SIX3: variants seen among roughly 807,000 people sequenced by gnomAD.
The protein encoded by SIX3 is SIX homeobox 3, also known as homeobox protein SIX3.
A neutral mutation model predicts 21.7 loss-of-function variants in SIX3; 2 were observed. The observed-to-expected ratio is 0.09, with a 90% CI of 0.04 to 0.29. The LOEUF (loss-of-function observed/expected upper bound fraction) is 0.29. Among genes scored for constraint, SIX3 ranks in the 10% least tolerant of loss-of-function variants. The pLI, the probability that SIX3 is intolerant of heterozygous loss-of-function variation, is 1.00. For synonymous variants in SIX3, 243 were observed against 220.6 expected, an observed-to-expected ratio of 1.10 and a Z score of -0.90; for missense variants, 347 against 480.7, an observed-to-expected ratio of 0.72 and a Z score of 2.60.
Position 44,942,670 on chromosome 2 carries a change from A to G in SIX3, c.566A>G (p.Asp189Gly), listed in dbSNP as rs1221436387. ...KLRGRPLGPV[D>G]KYRVRKKFPL... Reference sequence around the variant, plus strand: ...CGCGGCCGCCCACTCGGCCCGGTGGACAAGTACCGCGTGCGCAAGAAGTTC... The same window carrying G: ...CGCGGCCGCCCACTCGGCCCGGTGGGCAAGTACCGCGTGCGCAAGAAGTTC... The change falls in exon 1 of 2, where the codon GAC (aspartate) becomes GGC (glycine). Residue 189 changes from aspartate to glycine, a missense_variant. By Grantham distance (94) the Asp-to-Gly change is moderately conservative. Transcript: ENST00000260653. The surrounding 1 kb of genome is among the most constrained non-coding windows in gnomAD (Gnocchi z 8.4). The G allele has an allele frequency of 1.2e-6, 2 of 1,600,144 alleles. No homozygotes were observed. The highest frequency in any genetic ancestry group is 1.1e-5 in the South Asian group (1 of 90,902).
chr2:44,944,026 CG>C (rs1159904096), intron 1 of SIX3, among the ~76,000 whole-genome samples: 1 of 152,220 alleles, frequency 6.6e-6, no homozygotes, highest in Middle Eastern at 3.2e-3. Context: ...AGAAGGTTCC[CG>C]GTGGGGGAAA....
chr2:44,943,359 C>T (rs1466605913), intron 1 of SIX3, among the ~76,000 whole-genome samples: 1 of 152,226 alleles, frequency 6.6e-6, no homozygotes, highest in Non-Finnish European at 1.5e-5. Context: ...GGGTCCCTAT[C>T]ACAAGGGGAA....
Position 44,942,891 on chromosome 2 carries a change from G to T in SIX3, c.787G>T (p.Ala263Ser), listed in dbSNP as rs1666608188. ...WFKNRRQRDR[A>S]AAAKNRLQHQ... ...TAAGAACCGGCGGCAGCGCGACCGC[G>T]CCGCGGCGGCCAAGAACAGGTTAGT... The change falls in exon 1 of 2, where the codon GCC (alanine) becomes TCC (serine). Residue 263 changes from alanine (A) to serine (S), a missense_variant. Physicochemically the swap from Ala to Ser is moderately conservative, Grantham distance 99. Around this residue, in one of 4 missense-constraint regions of SIX3, gnomAD observed 15 missense variants for 65.4 expected, o/e 0.23. Transcript: ENST00000260653. The surrounding 1 kb of genome is among the most constrained non-coding windows in gnomAD (Gnocchi z 8.4). 3 of 1,598,294 alleles carry T rather than the reference G, an allele frequency of 1.9e-6. No homozygotes were observed. Among genetic ancestry groups the T allele is most frequent in the African/African-American group, 2.7e-5 (2 of 74,934 alleles).
intron 1 of SIX3, among the ~76,000 whole-genome samples, chr2:44,944,026 C>T (rs1434240069): frequency 3.9e-5 from 6 of 152,220 alleles, no homozygotes; most frequent in African/African-American, 1.4e-4. Flanking sequence ...AGAAGGTTCC[C>T]GGTGGGGGAA....
rs867552132 is a variant in SIX3, at chr2:44,944,726, C to T, written c.965C>T (p.Ser322Leu). ...GCAGACACCGGCACCTCCATCCTCT[C>T]GGTAACCTCCAGCGACTCGGAATGT... The part of the protein sequence containing the change: ...ERADTGTSIL[S>L]VTSSDSECDV Residue 322 changes from serine (S) to leucine (L), a missense_variant, in exon 2 of 2, where the codon TCG (serine) becomes TTG (leucine). Ser to Leu is a moderately radical substitution (Grantham distance 145). Coordinates refer to ENST00000260653, the MANE Select transcript of SIX3 (RefSeq NM_005413.4). 6 of 1,588,688 alleles carry T rather than the reference C, an allele frequency of 3.8e-6. No homozygotes were observed. The South Asian group carries it at 5.6e-5, about 15-fold the overall frequency.
rs749956891 is a variant in SIX3, at chr2:44,942,839, C to T, written c.735C>T (p.Leu245=). ...GCGAACTGGCGCAGGCCACCGGCCT[C>T]ACTCCCACACAAGTAGGCAACTGGT... ...KKRELAQATG[L]TPTQVGNWFK... Residue 245 remains leucine, a synonymous_variant, in exon 1 of 2, where the codon CTC becomes CTT. Coordinates refer to ENST00000260653, the MANE Select transcript of SIX3 (RefSeq NM_005413.4). This position sits in a 1 kb window ranked among gnomAD's most constrained non-coding sequence, Gnocchi z 8.4. The T allele has an allele frequency of 1.9e-6, 3 of 1,599,392 alleles. No individual in the cohort carries two copies. The highest frequency in any genetic ancestry group is 1.3e-5 in the African/African-American group (1 of 75,064).
rs201451750 is a variant in SIX3 at position 44,942,410 on chromosome 2, G to A, written c.306G>A (p.Thr102=). Residue 102 remains threonine, a synonymous_variant, in exon 1 of 2, where the codon ACG becomes ACA. Transcript: ENST00000260653. This position sits in a 1 kb window ranked among gnomAD's most constrained non-coding sequence, Gnocchi z 8.4. The part of the protein sequence containing the change: ...VASVCETLEE[T]GDIERLGRFL... ...GCGTCTGTGAGACGCTGGAGGAGAC[G>A]GGCGACATCGAGCGGCTGGGCCGCT... 4.3e-5 allele frequency: 68 copies of A among 1,597,786 alleles called. No homozygotes were observed. The African/African-American group carries it at 7.5e-4, about 18-fold the overall frequency.
At position 44,944,550 on chromosome 2, in the gene SIX3, G is replaced by A. The variant is rs1666650490; in HGVS notation, c.807-18G>A. On this transcript the variant is annotated intron_variant, in intron 1 of 1. Coordinates refer to ENST00000260653, the MANE Select transcript of SIX3 (RefSeq NM_005413.4). Reference sequence around the variant, plus strand: ...GGGCCTCTGTGTCAGGGCGGGCGCGGATCTCTTTCTCCCGCAGGCTCCAGC... The same window carrying A: ...GGGCCTCTGTGTCAGGGCGGGCGCGAATCTCTTTCTCCCGCAGGCTCCAGC... 8.3e-6 allele frequency: 13 copies of A among 1,562,000 alleles called. No individual in the cohort carries two copies. The highest frequency in any genetic ancestry group is 2.3e-5 in the South Asian group (2 of 86,962).
At position 44,941,958 on chromosome 2, in the gene SIX3, C is replaced by G. The variant is rs1036068835; in HGVS notation, c.-147C>G. 1 of 676,492 alleles carries G rather than the reference C, an allele frequency of 1.5e-6. No individual in the cohort carries two copies. Among genetic ancestry groups the G allele is most frequent in the African/African-American group, 1.8e-5 (1 of 55,830 alleles). The allele number at this position is 676,492 out of a possible 1,614,324, so 41.9% of individuals were successfully genotyped here. ...GGGTGTCCCTTACGCCCTTCCTCCTCTCCCTCCTCCTCCTGCTCCCCCCTC... is the reference window on the plus strand; with the variant it reads ...GGGTGTCCCTTACGCCCTTCCTCCTGTCCCTCCTCCTCCTGCTCCCCCCTC... On this transcript the variant is annotated 5_prime_UTR_variant, in exon 1 of 2. Coordinates refer to ENST00000260653, the MANE Select transcript of SIX3 (RefSeq NM_005413.4).
In SIX3 at chr2:44,944,426, C is replaced by G. The variant is rs1666647660; in HGVS notation, c.807-142C>G. 6 of 959,872 alleles carry G rather than the reference C, an allele frequency of 6.3e-6. No individual in the cohort carries two copies. The South Asian group carries it at 8.6e-5, about 14-fold the overall frequency. The allele number at this position is 959,872 out of a possible 1,614,324, so 59.5% of individuals were successfully genotyped here. On this transcript the variant is annotated intron_variant, in intron 1 of 1. Transcript: ENST00000260653. ...CCAGGCCTCCCCAAGCGGCCGGGCTCGGGTTCTGCCTCTCCTCCGAGGCCA... is the reference window on the plus strand; with the variant it reads ...CCAGGCCTCCCCAAGCGGCCGGGCTGGGGTTCTGCCTCTCCTCCGAGGCCA...
In SIX3 at chr2:44,944,733, C is replaced by A; in HGVS notation, c.972C>A (p.Thr324=). Residue 324 remains threonine, a synonymous_variant, in exon 2 of 2, where the codon ACC becomes ACA. Transcript: ENST00000260653. ...CCGGCACCTCCATCCTCTCGGTAACCTCCAGCGACTCGGAATGTGATGTAT... is the reference window on the plus strand; with the variant it reads ...CCGGCACCTCCATCCTCTCGGTAACATCCAGCGACTCGGAATGTGATGTAT... ...ADTGTSILSV[T]SSDSECDV 6.3e-7 allele frequency: 1 copy of A among 1,587,656 alleles called. No homozygotes were observed. The highest frequency in any genetic ancestry group is 8.5e-7 in the Non-Finnish European group (1 of 1,174,360).
rs886042975 is a variant in SIX3 at position 44,942,479 on chromosome 2, C to A, written c.375C>A (p.Ile125=). The change falls in exon 1 of 2, where the codon ATC becomes ATA. Residue 125 remains isoleucine, a synonymous_variant. Transcript: ENST00000260653. This position sits in a 1 kb window ranked among gnomAD's most constrained non-coding sequence, Gnocchi z 8.4. ...TGGCCCCCGGGGCGTGCGAGGCCAT[C>A]AACAAACACGAGTCGATCCTGCGCG... ...LPVAPGACEA[I]NKHESILRAR... is the part of the protein sequence containing the mutation. 7 of 1,598,086 alleles carry A rather than the reference C, an allele frequency of 4.4e-6. No individual in the cohort carries two copies. The highest frequency in any genetic ancestry group is 5.9e-6 in the Non-Finnish European group (7 of 1,179,714).
intron 1 of SIX3, among the ~76,000 whole-genome samples, chr2:44,944,322 G>A (rs1292748230): frequency 1.3e-5 from 2 of 152,216 alleles, no homozygotes; most frequent in Admixed American, 6.5e-5. Flanking sequence ...AAGAGCCCCA[G>A]GGACTGCGGA....
Position 44,944,770 on chromosome 2 carries a change from C to A in SIX3, c.*10C>A, listed in dbSNP as rs560701093. The A allele has an allele frequency of 2.2e-5, 34 of 1,571,018 alleles. No individual in the cohort carries two copies. The South Asian group carries it at 3.2e-4, about 15-fold the overall frequency. On this transcript the variant is annotated 3_prime_UTR_variant, in exon 2 of 2. Transcript: ENST00000260653. ...GGAATGTGATGTATGATAGCCAAGG[C>A]CGCCCTCCTCCCTCTCCTTCCCCTC... is the stretch of plus-strand genomic sequence containing the variant.
chr2:44,941,963 T>C lies in SIX3; in HGVS notation c.-142T>C. The C allele has an allele frequency of 1.5e-6, 1 of 672,622 alleles. No homozygotes were observed. The highest frequency in any genetic ancestry group is 2.7e-6 in the Non-Finnish European group (1 of 367,618). The allele number at this position is 672,622 out of a possible 1,614,324, so 41.7% of individuals were successfully genotyped here. On this transcript the variant is annotated 5_prime_UTR_variant, in exon 1 of 2. Coordinates refer to ENST00000260653, the MANE Select transcript of SIX3 (RefSeq NM_005413.4). ...TCCCTTACGCCCTTCCTCCTCTCCC[T>C]CCTCCTCCTGCTCCCCCCTCCTTTC...
In SIX3 at chr2:44,941,840, T is replaced by C; in HGVS notation, c.-265T>C. 2.6e-6 allele frequency: 1 copy of C among 381,118 alleles called. No homozygotes were observed. The highest frequency in any genetic ancestry group is 2.9e-5 in the South Asian group (1 of 34,184). The allele number at this position is 381,118 out of a possible 1,614,324, so 23.6% of individuals were successfully genotyped here. ...TCTCCCTCTCCCTCTCTGTCTCGGG[T>C]TCTCTCTCTGCGCGCGCGCACCGGG... On this transcript the variant is annotated 5_prime_UTR_variant, in exon 1 of 2. Coordinates refer to ENST00000260653, the MANE Select transcript of SIX3 (RefSeq NM_005413.4).
chr2:44,941,807 TCTCTCC>T lies in SIX3; in HGVS notation c.-280_-275del, dbSNP rs56821771. The T allele has an allele frequency of 0.056, 20,270 of 360,230 alleles. 1,072 individuals carry two copies. Among genetic ancestry groups the T allele is most frequent in the African/African-American group, 0.16 (7,508 of 47,498 alleles). The allele number at this position is 360,230 out of a possible 1,614,324, so 22.3% of individuals were successfully genotyped here. On this transcript the variant is annotated 5_prime_UTR_variant, in exon 1 of 2. Coordinates refer to ENST00000260653, the MANE Select transcript of SIX3 (RefSeq NM_005413.4). ...CGGCGGTGGTTGGCTCTCCCTCTCC[TCTCTCC>T]CTCTCCCTCTCCCTCTCTGTCTCGG...
chr2:44,944,681 T>A lies in SIX3; in HGVS notation c.920T>A (p.Val307Glu). 1.3e-6 allele frequency: 2 copies of A among 1,584,608 alleles called. No individual in the cohort carries two copies. Among genetic ancestry groups the A allele is most frequent in the Non-Finnish European group, 1.7e-6 (2 of 1,173,146 alleles). The part of the protein sequence containing the change: ...PSTAASPTTS[V>E]SSLTERADTG... ...ACGGCGGCCAGCCCGACCACCAGCG[T>A]GTCCAGCCTGACGGAGCGCGCAGAC... Residue 307 changes from valine (V) to glutamate (E), a missense_variant, in exon 2 of 2, where the codon GTG becomes GAG. By Grantham distance (121) the Val-to-Glu change is moderately radical. Around this residue, in one of 4 missense-constraint regions of SIX3, gnomAD observed 110 missense variants for 93.3 expected, o/e 1.18. Transcript: ENST00000260653.
At chr2:44,944,291 C>T (rs1006963258) in intron 1 of SIX3, among the ~76,000 whole-genome samples, 1 of 152,178 alleles carries the variant, frequency 6.6e-6, no homozygotes, top group African/African-American at 2.4e-5. Flanking sequence ...CGACCGGTCG[C>T]GGGGCAGCCG....
Sources: gnomAD v4.1 joint callset for allele counts (sites outside exome capture counted in the v4.1 genomes callset) on GRCh38, gnomAD v4.1.1 for gene constraint, gnomAD v4.1.1 regional missense constraint, Gnocchi (gnomAD v3.1) non-coding constraint, MANE v1.5 for transcripts, NCBI Gene and HGNC (gene_info 2026-07-23, HGNC 2026-07-21) for gene names.